Variants in KCNIP4 observed in about 807,000 individuals in gnomAD.
The protein encoded by KCNIP4 is potassium voltage-gated channel interacting protein 4.
KCNIP4 carries 12 observed loss-of-function variants against 34.0 expected under a neutral mutation model. The observed-to-expected ratio is 0.35, with a 90% CI of 0.23 to 0.57. The LOEUF (loss-of-function observed/expected upper bound fraction) is 0.57. Ranked by LOEUF, KCNIP4 falls within the 20% of genes least tolerant of loss-of-function variation. KCNIP4 has a pLI of 0.83. For synonymous variants in KCNIP4, 124 were observed against 102.2 expected (o/e 1.21, Z -1.29); for missense variants, 238 against 311.7 (o/e 0.76, Z 1.78).
intron 1 of KCNIP4, among the ~76,000 whole-genome samples, chr4:21,229,055 T>A (rs560153871): frequency 2.6e-5 from 4 of 152,330 alleles, no homozygotes; most frequent in South Asian, 4.1e-4. Context: ...AATGCTGCAC[T>A]GAAGCTGCAT....
chr4:21,103,783 G>A (rs1748196540), intron 1 of KCNIP4, among the ~76,000 whole-genome samples: 1 of 131,824 alleles, frequency 7.6e-6, no homozygotes, highest in South Asian at 2.4e-4. Context: ...CCCTTCCTGT[G>A]TCCATGTGTT....
chr4:21,803,627 C>T (rs2109257097), intron 1 of KCNIP4, among the ~76,000 whole-genome samples: 1 of 152,234 alleles, frequency 6.6e-6, no homozygotes, highest in East Asian at 1.9e-4. Flanking sequence ...CTCCAAAATG[C>T]TACCCTATCT....
At position 21,435,579 on chromosome 4, in the gene KCNIP4, A is replaced by G. The variant is rs543628413; in HGVS notation, c.61+512992T>C. On this transcript the variant is annotated intron_variant, in intron 1 of 8. Coordinates refer to ENST00000382152, the MANE Select transcript of KCNIP4 (RefSeq NM_025221.6). ...TAGAAAAGAAAGCCTCTTATTTTTA[A>G]TGGGCAGAACACGGATTCTTGGTGT... 5.3e-5 allele frequency among the ~76,000 whole-genome samples: 8 copies of G among 152,328 alleles called. No individual in the cohort carries two copies. In the East Asian group the frequency reaches 5.8e-4, roughly 11 times the overall value.
At chr4:21,906,781 A>G (rs1728026069) in intron 1 of KCNIP4, among the ~76,000 whole-genome samples, 1 of 152,186 alleles carries the variant, frequency 6.6e-6, no homozygotes, top group Non-Finnish European at 1.5e-5. Flanking sequence ...GATAACATCT[A>G]AATGTGATAT....
chr4:21,199,671 A>C (rs911289857), intron 1 of KCNIP4, among the ~76,000 whole-genome samples: 1 of 152,056 alleles, frequency 6.6e-6, no homozygotes, highest in African/African-American at 2.4e-5. Flanking sequence ...GGTATTGCCT[A>C]GGTTTTCTTC....
At chr4:20,889,873 A>G (rs769153151) in intron 1 of KCNIP4, among the ~76,000 whole-genome samples, 1 of 152,072 alleles carries the variant, frequency 6.6e-6, no homozygotes, top group Non-Finnish European at 1.5e-5. Flanking sequence ...CATAAAACAA[A>G]GCAATACAAA....
intron 1 of KCNIP4, among the ~76,000 whole-genome samples, chr4:21,518,976 C>T (rs1392906197): frequency 6.6e-6 from 1 of 152,056 alleles, no homozygotes; most frequent in African/African-American, 2.4e-5. Context: ...CCCAACAAGC[C>T]TATAAAGAAA....
intron 1 of KCNIP4, among the ~76,000 whole-genome samples, chr4:21,443,418 C>A (rs555524074): frequency 6.6e-6 from 1 of 152,224 alleles, no homozygotes; most frequent in East Asian, 1.9e-4. Flanking sequence ...TTCAACATAT[C>A]TAGGCAATGT....
At chr4:20,735,541 T>G (rs1383827422) in intron 5 of KCNIP4, among the ~76,000 whole-genome samples, 2 of 147,410 alleles carry the variant, frequency 1.4e-5, no homozygotes, top group African/African-American at 2.5e-5. Flanking sequence ...TTTTTTTTTT[T>G]TTTTTTGAGA....
chr4:20,973,010 G>A (rs1286368089), intron 1 of KCNIP4, among the ~76,000 whole-genome samples: 1 of 152,194 alleles, frequency 6.6e-6, no homozygotes, highest in Non-Finnish European at 1.5e-5. Context: ...GAATCCTGGT[G>A]AAGTCTAGGT....
intron 3 of KCNIP4, among the ~76,000 whole-genome samples, chr4:20,796,675 A>C (rs2149410919): frequency 6.6e-6 from 1 of 151,772 alleles, no homozygotes; most frequent in East Asian, 1.9e-4. Context: ...TAATTTGCAG[A>C]GTAAACAAAA....
chr4:21,254,801 G>T (rs1464734571), intron 1 of KCNIP4, among the ~76,000 whole-genome samples: 3 of 152,086 alleles, frequency 2.0e-5, no homozygotes, highest in South Asian at 2.1e-4. Context: ...CCAAACTTTG[G>T]TTTTTCTCAG....
In KCNIP4 at chr4:21,709,823, G is replaced by T. The variant is rs188253355; in HGVS notation, c.61+238748C>A. 2.2e-3 allele frequency among the ~76,000 whole-genome samples: 337 copies of T among 152,282 alleles called. 1 individual carries two copies. Among genetic ancestry groups the T allele is most frequent in the Admixed American group, 4.6e-3 (71 of 15,296 alleles). ...ACACCAGGTTACAATTCTCTTTAGT[G>T]TGAGTAATCCCTTTTGTGCTAAAAT... On this transcript the variant is annotated intron_variant, in intron 1 of 8. Transcript: ENST00000382152.
intron 1 of KCNIP4, among the ~76,000 whole-genome samples, chr4:21,931,236 C>CT (rs33977693): frequency 0.32 from 47,552 of 148,258 alleles, 8,143 homozygotes; most frequent in Non-Finnish European, 0.4. Flanking sequence ...TGAAGCTCAG[C>CT]TTTTTTTTTT....
intron 1 of KCNIP4, among the ~76,000 whole-genome samples, chr4:21,429,978 A>G (rs1726293894): frequency 6.6e-6 from 1 of 152,170 alleles, no homozygotes; most frequent in Non-Finnish European, 1.5e-5. Context: ...GTGAAGATAA[A>G]GCAATTTCCC....
chr4:21,082,393 G>A (rs1468987529), intron 1 of KCNIP4, among the ~76,000 whole-genome samples: 1 of 151,740 alleles, frequency 6.6e-6, no homozygotes, highest in African/African-American at 2.4e-5. Flanking sequence ...AGACTTTGAT[G>A]CACCCATTGT....
chr4:21,376,311 A>T (rs528916849), intron 1 of KCNIP4, among the ~76,000 whole-genome samples: 3 of 152,220 alleles, frequency 2.0e-5, no homozygotes, highest in Non-Finnish European at 1.5e-5. Context: ...TACTCCCTTC[A>T]AGATAAAACT....
intron 1 of KCNIP4, among the ~76,000 whole-genome samples, chr4:21,883,679 G>T (rs1726592695): frequency 6.6e-6 from 1 of 152,134 alleles, no homozygotes; most frequent in South Asian, 2.1e-4. Flanking sequence ...GTCATCCACA[G>T]TGCTACTGAC....
chr4:21,529,189 G>T (rs935191863), intron 1 of KCNIP4, among the ~76,000 whole-genome samples: 1 of 152,172 alleles, frequency 6.6e-6, no homozygotes, highest in African/African-American at 2.4e-5. Context: ...TTGGCCCATA[G>T]ACATTATTTG....
Sources: allele counts gnomAD v4.1 joint callset (sites outside exome capture counted in the v4.1 genomes callset), GRCh38; gene constraint gnomAD v4.1.1; transcripts MANE v1.5; gene names NCBI Gene and HGNC (gene_info 2026-07-23, HGNC 2026-07-21).